Variants in PTPRK observed in about 807,000 individuals in gnomAD.
PTPRK encodes the protein receptor-type tyrosine-protein phosphatase kappa.
PTPRK carries 75 observed loss-of-function variants against 178.0 expected under a neutral mutation model. The observed-to-expected ratio is 0.42, with a 90% CI of 0.35 to 0.51. The LOEUF (loss-of-function observed/expected upper bound fraction) is 0.51. Among genes scored for constraint, PTPRK ranks in the 20% least tolerant of loss-of-function variants. The probability of loss-of-function intolerance (pLI) is 0.02; values close to 1 mark genes in which losing one functional copy is unlikely to be tolerated. For synonymous variants in PTPRK, 637 were observed against 620.6 expected, an observed-to-expected ratio of 1.03 and a Z score of -0.39; for missense variants, 1,441 against 1,797.8, an observed-to-expected ratio of 0.80 and a Z score of 3.59.
rs77565450 is a variant in PTPRK, at chr6:128,274,824, A to T, written c.496-32222T>A. Among the ~76,000 whole-genome samples the T allele has an allele frequency of 1.8e-3, 269 of 152,136 alleles. 1 individual carries two copies. The highest frequency in any genetic ancestry group is 6.2e-3 in the African/African-American group (259 of 41,562). The stretch of plus-strand genomic sequence containing the variant: ...TTTGAACCATTTTAGATTATCAAGA[A>T]AAAATTCAGAAGACAAATTTCTGGC... On this transcript the variant is annotated intron_variant, in intron 3 of 29. Transcript: ENST00000368226.
intron 10 of PTPRK, 118 bp downstream of exon 10, chr6:128,082,319 A>T: frequency 1.1e-6 from 1 of 912,832 alleles, no homozygotes; most frequent in Non-Finnish European, 1.7e-6. Context: ...ATGCATAACT[A>T]TATTAAAGGT....
intron 18 of PTPRK, among the ~76,000 whole-genome samples, chr6:127,993,421 C>G (rs912779730): frequency 3.3e-5 from 5 of 151,268 alleles, no homozygotes; most frequent in Admixed American, 3.3e-4. Context: ...TAGTTGCTTT[C>G]AATTGGTTTG....
chr6:128,132,751 C>T (rs1197336148), intron 7 of PTPRK, among the ~76,000 whole-genome samples: 1 of 152,234 alleles, frequency 6.6e-6, no homozygotes, highest in African/African-American at 2.4e-5. Context: ...CTGTGTTCTA[C>T]ATATGCTACT....
chr6:128,425,085 T>TC (rs1843958868), intron 1 of PTPRK, among the ~76,000 whole-genome samples: 1 of 151,234 alleles, frequency 6.6e-6, no homozygotes, highest in African/African-American at 2.4e-5. Flanking sequence ...TAGTCTTTTT[T>TC]TTTTTTTTTT....
At chr6:128,483,986 T>C (rs944641027) in intron 1 of PTPRK, among the ~76,000 whole-genome samples, 1 of 152,058 alleles carries the variant, frequency 6.6e-6, no homozygotes, top group Non-Finnish European at 1.5e-5. Flanking sequence ...TCCTTTCCCA[T>C]GTATTTTCCC....
chr6:128,474,622 G>T (rs1467044753), intron 1 of PTPRK, among the ~76,000 whole-genome samples: 1 of 152,010 alleles, frequency 6.6e-6, no homozygotes, highest in African/African-American at 2.4e-5. Flanking sequence ...CAGAACTTCT[G>T]CAACAACTGA....
chr6:128,074,326 G>C (rs926045588), intron 11 of PTPRK, among the ~76,000 whole-genome samples: 3 of 151,940 alleles, frequency 2.0e-5, no homozygotes, highest in Non-Finnish European at 4.4e-5. Flanking sequence ...TCACCACAGA[G>C]AAACTATTTT....
In PTPRK at chr6:128,084,885, C is replaced by T. The variant is rs968008847; in HGVS notation, c.1466-1061G>A. On this transcript the variant is annotated intron_variant, in intron 8 of 29. Transcript: ENST00000368226. The stretch of plus-strand genomic sequence containing the variant: ...AGCATAGTTTTTAATTAATATTTTC[C>T]CTTAATCTAACGTTTCAGTGAACTT... The T allele has an allele frequency of 4.0e-5, 6 of 151,860 alleles. No homozygotes were observed. In the East Asian group the frequency reaches 1.2e-3, roughly 29 times the overall value. The allele number at this position is 151,860 out of a possible 1,614,324, so 9.4% of individuals were successfully genotyped here.
At chr6:128,259,930 G>A (rs985041822) in intron 3 of PTPRK, among the ~76,000 whole-genome samples, 19 of 152,156 alleles carry the variant, frequency 1.2e-4, no homozygotes, top group African/African-American at 4.1e-4. Context: ...TAAAGCAAAC[G>A]TACAACATGG....
chr6:128,193,156 A>C (rs1000773035), intron 6 of PTPRK, among the ~76,000 whole-genome samples: 1 of 152,016 alleles, frequency 6.6e-6, no homozygotes, highest in Non-Finnish European at 1.5e-5. Flanking sequence ...ATGCCCTGAC[A>C]CTGATACATA....
At chr6:128,303,702 T>C (rs1160340381) in intron 3 of PTPRK, among the ~76,000 whole-genome samples, 4 of 152,236 alleles carry the variant, frequency 2.6e-5, no homozygotes, top group African/African-American at 9.6e-5. Context: ...GTTAAAGCTG[T>C]GGAATGAAGA....
intron 8 of PTPRK, among the ~76,000 whole-genome samples, chr6:128,085,695 G>C (rs796980744): frequency 2.0e-5 from 3 of 152,316 alleles, no homozygotes; most frequent in African/African-American, 7.2e-5. Context: ...ACCTTCCCTA[G>C]AAGTTTTGTA....
chr6:128,450,545 CTGGG>C (rs1459838282), intron 1 of PTPRK, among the ~76,000 whole-genome samples: 1 of 152,198 alleles, frequency 6.6e-6, no homozygotes. Flanking sequence ...CAGGGCCCTC[CTGGG>C]GTCTTTGAGG....
chr6:128,252,224 G>C (rs931172338), intron 3 of PTPRK, among the ~76,000 whole-genome samples: 6 of 152,118 alleles, frequency 3.9e-5, no homozygotes, highest in African/African-American at 1.4e-4. Context: ...ATTAGCCCAG[G>C]GAGTTGGCTA....
chr6:128,120,252 A>G (rs1792242790), intron 7 of PTPRK, among the ~76,000 whole-genome samples: 1 of 151,930 alleles, frequency 6.6e-6, no homozygotes, highest in East Asian at 1.9e-4. Context: ...TATTACTACT[A>G]ATAATTTTGG....
rs529972652 is a variant in PTPRK, at chr6:128,325,955, G to A, written c.224-3645C>T. Among the ~76,000 whole-genome samples, 4 of 152,250 alleles carry A rather than the reference G, an allele frequency of 2.6e-5. No homozygotes were observed. In the South Asian group the frequency reaches 8.3e-4, roughly 32 times the overall value. On this transcript the variant is annotated intron_variant, in intron 2 of 29. Coordinates refer to ENST00000368226, the MANE Select transcript of PTPRK (RefSeq NM_002844.4). Reference sequence around the variant, plus strand: ...CAATGGTAGACTGGATAAAGAAAATGTGGCACATAAACACCATGGAATACT... The same window carrying A: ...CAATGGTAGACTGGATAAAGAAAATATGGCACATAAACACCATGGAATACT...
At chr6:128,422,207 G>T (rs1251630099) in intron 1 of PTPRK, among the ~76,000 whole-genome samples, 1 of 152,086 alleles carries the variant, frequency 6.6e-6, no homozygotes, top group Non-Finnish European at 1.5e-5. Context: ...TTTAGTTTCT[G>T]CATGTGTGCA....
At chr6:128,262,632 C>T (rs919980793) in intron 3 of PTPRK, among the ~76,000 whole-genome samples, 18 of 152,060 alleles carry the variant, frequency 1.2e-4, no homozygotes, top group Non-Finnish European at 2.2e-4. Context: ...TCTCCAAAAC[C>T]AACTAAACTC....
intron 1 of PTPRK, among the ~76,000 whole-genome samples, chr6:128,404,709 A>G (rs1348251032): frequency 6.6e-6 from 1 of 152,228 alleles, no homozygotes; most frequent in Non-Finnish European, 1.5e-5. Context: ...GTAATTAATT[A>G]CATGCCAAAT....
Sources: allele counts gnomAD v4.1 joint callset (sites outside exome capture counted in the v4.1 genomes callset), GRCh38; gene constraint gnomAD v4.1.1; transcripts MANE v1.5; gene names NCBI Gene and HGNC (gene_info 2026-07-23, HGNC 2026-07-21).